Variants in PLCB1 observed in about 807,000 individuals in gnomAD.
PLCB1 encodes phospholipase C beta 1.
A neutral mutation model predicts 161.8 loss-of-function variants in PLCB1; 46 were observed. That is an observed-to-expected ratio of 0.28 (90% confidence interval 0.22 to 0.36). The LOEUF is 0.36. Ranked by LOEUF, PLCB1 falls within the 10% of genes least tolerant of loss-of-function variation. The pLI, the probability that PLCB1 is intolerant of heterozygous loss-of-function variation, is 1.00. For synonymous variants in PLCB1, 517 were observed against 503.7 expected, an observed-to-expected ratio of 1.03 and a Z score of -0.35; for missense variants, 1,016 against 1,472.5, an observed-to-expected ratio of 0.69 and a Z score of 5.07.
chr20:8,549,412 A>T (rs943789222), intron 3 of PLCB1, among the ~76,000 whole-genome samples: 6 of 152,110 alleles, frequency 3.9e-5, no homozygotes, highest in Admixed American at 2.0e-4. Context: ...TTTTGATTAC[A>T]AAAACAAGCC....
At chr20:8,587,174 T>TA (rs11482041) in intron 3 of PLCB1, among the ~76,000 whole-genome samples, 16,204 of 144,984 alleles carry the variant, frequency 0.11, 1,519 homozygotes, top group East Asian at 0.38. Flanking sequence ...CACTATCAAT[T>TA]AAAAAATATA....
At chr20:8,642,493 C>G (rs983675204) in intron 4 of PLCB1, among the ~76,000 whole-genome samples, 3 of 152,146 alleles carry the variant, frequency 2.0e-5, no homozygotes, top group Non-Finnish European at 4.4e-5. Context: ...AATGTTCCTC[C>G]TTACTCACAT....
chr20:8,206,451 A>G (rs1157363319), intron 2 of PLCB1, among the ~76,000 whole-genome samples: 3 of 152,288 alleles, frequency 2.0e-5, no homozygotes, highest in East Asian at 3.9e-4. Flanking sequence ...GTATGAAGGC[A>G]TTGTTATCGT....
intron 2 of PLCB1, among the ~76,000 whole-genome samples, chr20:8,368,078 G>A (rs1986775472): frequency 6.6e-6 from 1 of 152,112 alleles, no homozygotes; most frequent in South Asian, 2.1e-4. Context: ...TCCTGGAAGT[G>A]GAATACAGAG....
At chr20:8,262,308 C>G (rs544092888) in intron 2 of PLCB1, among the ~76,000 whole-genome samples, 1 of 151,944 alleles carries the variant, frequency 6.6e-6, no homozygotes, top group Non-Finnish European at 1.5e-5. Flanking sequence ...TCAGGCTGGT[C>G]TCGAACTCCT....
chr20:8,395,471 GA>G (rs1225737538), intron 3 of PLCB1, among the ~76,000 whole-genome samples: 1 of 151,892 alleles, frequency 6.6e-6, no homozygotes, highest in Non-Finnish European at 1.5e-5. Flanking sequence ...GCTGAATAAG[GA>G]AAATTAAATT....
At chr20:8,162,105 T>A (rs897508222) in intron 2 of PLCB1, among the ~76,000 whole-genome samples, 3 of 152,230 alleles carry the variant, frequency 2.0e-5, no homozygotes, top group Non-Finnish European at 4.4e-5. Context: ...ATAGTTTTTT[T>A]ATTATATTCT....
intron 31 of PLCB1, among the ~76,000 whole-genome samples, chr20:8,799,546 C>A (rs1175701122): frequency 6.6e-6 from 1 of 151,998 alleles, no homozygotes; most frequent in African/African-American, 2.4e-5. Context: ...TTGATATAAC[C>A]AGGATAGTGA....
At chr20:8,765,060 C>A in intron 25 of PLCB1, 79 bp from the exon 26 acceptor site, 1 of 1,097,636 alleles carries the variant, frequency 9.1e-7, no homozygotes, top group African/African-American at 1.6e-5. Flanking sequence ...CCATTTCTTC[C>A]TAAGAAGGTA....
At chr20:8,330,514 G>A (rs898758358) in intron 2 of PLCB1, among the ~76,000 whole-genome samples, 3 of 152,202 alleles carry the variant, frequency 2.0e-5, no homozygotes, top group African/African-American at 7.2e-5. Flanking sequence ...CCTTTCACTG[G>A]TTCAGTTGCA....
chr20:8,532,947 T>C (rs930929774), intron 3 of PLCB1, among the ~76,000 whole-genome samples: 3 of 152,092 alleles, frequency 2.0e-5, no homozygotes, highest in Admixed American at 1.3e-4. Context: ...TGTGCCATGC[T>C]GGTGTGCTGC....
intron 3 of PLCB1, among the ~76,000 whole-genome samples, chr20:8,576,899 G>A (rs1175599573): frequency 2.0e-5 from 3 of 152,092 alleles, no homozygotes; most frequent in African/African-American, 7.2e-5. Context: ...AAGTCTACGT[G>A]TGATGGTGAG....
chr20:8,759,224 T>C (rs1981891579), intron 24 of PLCB1, among the ~76,000 whole-genome samples: 1 of 152,186 alleles, frequency 6.6e-6, no homozygotes, highest in Non-Finnish European at 1.5e-5. Flanking sequence ...AAGAGCACCA[T>C]GCAAGTGATA....
chr20:8,690,417 G>A (rs1990450584), intron 10 of PLCB1, among the ~76,000 whole-genome samples: 2 of 152,158 alleles, frequency 1.3e-5, no homozygotes, highest in Non-Finnish European at 2.9e-5. Context: ...CAGGGGGTTG[G>A]GAAGTGGTTA....
intron 3 of PLCB1, among the ~76,000 whole-genome samples, chr20:8,397,399 C>T (rs1987799229): frequency 6.6e-6 from 1 of 152,054 alleles, no homozygotes; most frequent in Admixed American, 6.6e-5. Flanking sequence ...TTAAAATGCT[C>T]TATTGCTTTT....
chr20:8,469,054 A>T (rs1981938381), intron 3 of PLCB1, among the ~76,000 whole-genome samples: 1 of 152,170 alleles, frequency 6.6e-6, no homozygotes, highest in Non-Finnish European at 1.5e-5. Context: ...TTCCCAGGCG[A>T]TGCTGACACT....
At chr20:8,387,474 G>T (rs1987458479) in intron 3 of PLCB1, among the ~76,000 whole-genome samples, 1 of 152,048 alleles carries the variant, frequency 6.6e-6, no homozygotes. Flanking sequence ...AGTTCCTGAT[G>T]CTCCAAAACA....
intron 2 of PLCB1, among the ~76,000 whole-genome samples, chr20:8,208,377 C>A (rs1002970814): frequency 6.6e-6 from 1 of 152,102 alleles, no homozygotes; most frequent in African/African-American, 2.4e-5. Context: ...TGGACACAAC[C>A]TTTGAGAAGG....
intron 9 of PLCB1, among the ~76,000 whole-genome samples, chr20:8,671,205 T>C (rs1989934540): frequency 6.6e-6 from 1 of 152,324 alleles, no homozygotes; most frequent in East Asian, 1.9e-4. Flanking sequence ...GGGCCATCTG[T>C]CTTCCAAGGC....
Sources: gnomAD v4.1 joint callset for allele counts (sites outside exome capture counted in the v4.1 genomes callset) on GRCh38, gnomAD v4.1.1 for gene constraint, MANE v1.5 for transcripts, NCBI Gene and HGNC (gene_info 2026-07-23, HGNC 2026-07-21) for gene names.